NKAIN2: variants seen among roughly 807,000 people sequenced by gnomAD.
NKAIN2 encodes the protein sodium/potassium-transporting ATPase subunit beta-1-interacting protein 2.
Under a neutral mutation model 32.6 loss-of-function variants are expected in NKAIN2, and 14 were observed. That is an observed-to-expected ratio of 0.43 (90% CI 0.28 to 0.67). The LOEUF (loss-of-function observed/expected upper bound fraction) is 0.67, where lower values mean the gene tolerates loss of function less well. NKAIN2 is among the 30% of genes least tolerant of loss of function. The probability of loss-of-function intolerance (pLI) is 0.17; values close to 1 mark genes in which losing one functional copy is unlikely to be tolerated. For missense variants in NKAIN2, 198 were observed against 258.3 expected, an observed-to-expected ratio of 0.77 and a Z score of 1.60; for synonymous variants, 80 against 87.2, an observed-to-expected ratio of 0.92 and a Z score of 0.46.
intron 4 of NKAIN2, among the ~76,000 whole-genome samples, chr6:124,738,581 A>G (rs558695135): frequency 1.9e-4 from 9 of 48,618 alleles, no homozygotes; most frequent in African/African-American, 7.8e-4. Context: ...ATTTTCACAT[A>G]GACCATGTGA....
chr6:124,002,550 T>G (rs908462062), intron 1 of NKAIN2, among the ~76,000 whole-genome samples: 3 of 152,102 alleles, frequency 2.0e-5, no homozygotes, highest in African/African-American at 4.8e-5. Flanking sequence ...CCCTGCATAT[T>G]ATCACCAAAT....
chr6:124,125,619 G>T (rs182826602), intron 1 of NKAIN2, among the ~76,000 whole-genome samples: 82 of 152,202 alleles, frequency 5.4e-4, no homozygotes, highest in African/African-American at 1.9e-3. Context: ...TTGTAATAAA[G>T]ATATATACCC....
chr6:124,669,462 G>C (rs1236942935), intron 4 of NKAIN2, among the ~76,000 whole-genome samples: 1 of 152,068 alleles, frequency 6.6e-6, no homozygotes, highest in Admixed American at 6.6e-5. Flanking sequence ...AGCCAAAAGA[G>C]AATGGCCAGG....
chr6:124,809,802 C>A (rs1478538135), intron 5 of NKAIN2, among the ~76,000 whole-genome samples: 1 of 152,122 alleles, frequency 6.6e-6, no homozygotes, highest in Non-Finnish European at 1.5e-5. Flanking sequence ...AAACAAACAA[C>A]CCCATCAAAA....
chr6:123,869,046 G>C (rs1401919623), intron 1 of NKAIN2, among the ~76,000 whole-genome samples: 2 of 152,158 alleles, frequency 1.3e-5, no homozygotes, highest in African/African-American at 2.4e-5. Flanking sequence ...AACATCCGAA[G>C]AACTGGAAGA....
intron 3 of NKAIN2, among the ~76,000 whole-genome samples, chr6:124,608,767 C>T (rs571072267): frequency 7.9e-5 from 12 of 152,228 alleles, no homozygotes; most frequent in Admixed American, 2.0e-4. Flanking sequence ...TCACAATTTT[C>T]GACCTCACTC....
chr6:124,246,801 T>C (rs1183232784), intron 1 of NKAIN2, among the ~76,000 whole-genome samples: 1 of 152,058 alleles, frequency 6.6e-6, no homozygotes, highest in Non-Finnish European at 1.5e-5. Context: ...AGGCACTGTT[T>C]TGGTTTTCTA....
At chr6:124,458,539 T>C (rs1371686946) in intron 3 of NKAIN2, among the ~76,000 whole-genome samples, 1 of 151,876 alleles carries the variant, frequency 6.6e-6, no homozygotes, top group Admixed American at 6.6e-5. Context: ...TTCATATCTA[T>C]ACCATACTTA....
At chr6:123,819,348 T>C (rs1288730235) in intron 1 of NKAIN2, among the ~76,000 whole-genome samples, 3 of 152,102 alleles carry the variant, frequency 2.0e-5, no homozygotes, top group Non-Finnish European at 2.9e-5. Context: ...TTATCCCCCA[T>C]TGGAAATTAG....
At chr6:124,139,534 T>A (rs1787032608) in intron 1 of NKAIN2, among the ~76,000 whole-genome samples, 1 of 152,206 alleles carries the variant, frequency 6.6e-6, no homozygotes, top group Admixed American at 6.5e-5. Flanking sequence ...AAGATTCATG[T>A]GACAAATTAC....
At chr6:124,252,642 G>C (rs538551695) in intron 1 of NKAIN2, among the ~76,000 whole-genome samples, 3 of 152,218 alleles carry the variant, frequency 2.0e-5, no homozygotes, top group East Asian at 3.9e-4. Flanking sequence ...GTGACAATTA[G>C]ACATTAGTTA....
chr6:124,755,201 G>A (rs2114720530), intron 4 of NKAIN2, among the ~76,000 whole-genome samples: 1 of 152,238 alleles, frequency 6.6e-6, no homozygotes, highest in African/African-American at 2.4e-5. Flanking sequence ...TGAAGAACCT[G>A]GAGTCTGATG....
chr6:124,816,486 T>G (rs1781171526), intron 5 of NKAIN2, among the ~76,000 whole-genome samples: 1 of 152,160 alleles, frequency 6.6e-6, no homozygotes, highest in South Asian at 2.1e-4. Context: ...ACCATTCTAG[T>G]GTAGGCTATT....
chr6:123,958,852 T>A (rs1312902270), intron 1 of NKAIN2, among the ~76,000 whole-genome samples: 3 of 152,216 alleles, frequency 2.0e-5, no homozygotes, highest in Non-Finnish European at 4.4e-5. Flanking sequence ...GAATGAATGC[T>A]TATTCTTTAT....
chr6:124,711,885 G>A (rs1262575876), intron 4 of NKAIN2, among the ~76,000 whole-genome samples: 1 of 152,140 alleles, frequency 6.6e-6, no homozygotes, highest in African/African-American at 2.4e-5. Flanking sequence ...TTTGGAGGAG[G>A]AGAGGCACTC....
At chr6:123,825,650 A>C (rs1391087450) in intron 1 of NKAIN2, among the ~76,000 whole-genome samples, 2 of 152,188 alleles carry the variant, frequency 1.3e-5, no homozygotes, top group African/African-American at 4.8e-5. Flanking sequence ...GCAAATTTTC[A>C]GACTGAGCTT....
At chr6:124,342,084 T>G (rs1798138105) in intron 2 of NKAIN2, among the ~76,000 whole-genome samples, 1 of 152,116 alleles carries the variant, frequency 6.6e-6, no homozygotes, top group Non-Finnish European at 1.5e-5. Flanking sequence ...GGATGTTTGT[T>G]TTATGAGTAT....
chr6:124,515,962 C>A (rs1451774505), intron 3 of NKAIN2, among the ~76,000 whole-genome samples: 1 of 152,056 alleles, frequency 6.6e-6, no homozygotes, highest in Non-Finnish European at 1.5e-5. Context: ...ATTTACTGAG[C>A]AACTGTTTTG....
At chr6:124,284,256 A>G (rs1486282106) in intron 2 of NKAIN2, among the ~76,000 whole-genome samples, 2 of 152,092 alleles carry the variant, frequency 1.3e-5, no homozygotes, top group Non-Finnish European at 2.9e-5. Flanking sequence ...AGTATTGTCC[A>G]TTTTCTTTTA....
Sources: allele counts gnomAD v4.1 joint callset (sites outside exome capture counted in the v4.1 genomes callset), GRCh38; gene constraint gnomAD v4.1.1; transcripts MANE v1.5; gene names NCBI Gene and HGNC (gene_info 2026-07-23, HGNC 2026-07-21).